Variants in RBM6 observed in about 807,000 individuals in gnomAD.
RBM6 encodes RNA binding motif protein 6.
Under a neutral mutation model 140.4 loss-of-function variants are expected in RBM6, and 23 were observed. The observed-to-expected ratio is 0.16, with a 90% CI of 0.12 to 0.23. The LOEUF is 0.23. Ranked by LOEUF, RBM6 falls within the 10% of genes least tolerant of loss-of-function variation. RBM6 has a pLI of 1.00. For synonymous variants in RBM6, 439 were observed against 475.6 expected (o/e 0.92, Z 1.00); for missense variants, 1,139 against 1,386.7 (o/e 0.82, Z 2.84).
rs10663019 is a variant in RBM6, at chr3:50,061,560, CTTT to C, written c.2439+35_2439+37del. The C allele has an allele frequency of 0.037, 43,837 of 1,173,298 alleles. 1 individual carries two copies. The highest frequency in any genetic ancestry group is 0.051 in the Middle Eastern group (160 of 3,124). The allele number at this position is 1,173,298 out of a possible 1,614,324, so 72.7% of individuals were successfully genotyped here. On this transcript the variant is annotated intron_variant, in intron 14 of 20. Coordinates refer to ENST00000266022, the MANE Select transcript of RBM6 (RefSeq NM_005777.3). ...CCCCAATACCCAGGTGAGTTTGGGG[CTTT>C]TTTTTTTTTTTTTTTTTTTTTACCT...
At chr3:50,019,145 C>G (rs1291012635) in intron 6 of RBM6, among the ~76,000 whole-genome samples, 3 of 152,006 alleles carry the variant, frequency 2.0e-5, no homozygotes, top group South Asian at 4.2e-4. Flanking sequence ...AAGTTATTCT[C>G]CTGCCTCAGC....
chr3:50,068,545 T>C (rs2090189709), intron 17 of RBM6, 145 bp from the exon 18 acceptor site: 1 of 633,650 alleles, frequency 1.6e-6, no homozygotes, highest in Admixed American at 3.0e-5. Flanking sequence ...TTAGGGATTG[T>C]TGGTTGCAGG....
chr3:50,037,767 G>A lies in RBM6; in HGVS notation c.1558-10478G>A, dbSNP rs116200085. On this transcript the variant is annotated intron_variant, in intron 6 of 20. Coordinates refer to ENST00000266022, the MANE Select transcript of RBM6 (RefSeq NM_005777.3). ...AGTTCTCCCACCTTGACCTTCTAAA[G>A]TGTAGGGATTATAGACATGAGCCAC... is the stretch of plus-strand genomic sequence containing the variant. Among the ~76,000 whole-genome samples, 1,055 of 151,550 alleles carry A rather than the reference G, an allele frequency of 7.0e-3. 15 individuals are homozygous for A. Among genetic ancestry groups the A allele is most frequent in the African/African-American group, 0.024 (1,004 of 41,280 alleles).
At chr3:50,066,661 G>C (rs959420397) in intron 17 of RBM6, among the ~76,000 whole-genome samples, 159 bp downstream of exon 17, 1 of 151,476 alleles carries the variant, frequency 6.6e-6, no homozygotes, top group Non-Finnish European at 1.5e-5. Flanking sequence ...AACCCCCTTT[G>C]TACTAAAATA....
At chr3:49,956,328 C>CTTTTTTT (rs34467093) in intron 1 of RBM6, among the ~76,000 whole-genome samples, 1 of 72,006 alleles carries the variant, frequency 1.4e-5, no homozygotes, top group Non-Finnish European at 2.5e-5. Flanking sequence ...CCCTCCCCCG[C>CTTTTTTT]TTTTTTTTTT....
Position 49,967,801 on chromosome 3 carries a change from C to T in RBM6, c.376C>T (p.Arg126Trp), listed in dbSNP as rs139195645. Residue 126 changes from arginine (R) to tryptophan (W), a missense_variant, in exon 3 of 21, where the codon CGG becomes TGG. Transcript: ENST00000266022. The surrounding 1 kb of genome is among the most constrained non-coding windows in gnomAD (Gnocchi z 4.0). ...RGRDIHSGDF[R>W]DREGPPMDYR... ...TAGGGACATACATTCTGGGGATTTTCGGGATAGAGAAGGACCACCTATGGA... is the reference window on the plus strand; with the variant it reads ...TAGGGACATACATTCTGGGGATTTTTGGGATAGAGAAGGACCACCTATGGA... 7.4e-6 allele frequency: 12 copies of T among 1,613,922 alleles called. No homozygotes were observed. The South Asian group carries it at 8.8e-5, about 12-fold the overall frequency.
chr3:50,035,090 C>T (rs1333225743), intron 6 of RBM6, among the ~76,000 whole-genome samples: 1 of 134,344 alleles, frequency 7.4e-6, no homozygotes, highest in African/African-American at 2.7e-5. Flanking sequence ...ATCTGTCTAT[C>T]TGCTAAGGGC....
At chr3:49,947,265 G>GAA (rs2083533734) in intron 1 of RBM6, among the ~76,000 whole-genome samples, 3 of 9,604 alleles carry the variant, frequency 3.1e-4, no homozygotes, top group African/African-American at 1.0e-3. Context: ...AAAAAAAAGG[G>GAA]GGGGGGGGGG....
rs2085164443 is a variant in RBM6 at position 49,978,609 on chromosome 3, G to T, written c.1483+3217G>T. 3.3e-5 allele frequency among the ~76,000 whole-genome samples: 5 copies of T among 152,162 alleles called. No individual in the cohort carries two copies. The South Asian group carries it at 1.0e-3, about 31-fold the overall frequency. On this transcript the variant is annotated intron_variant, in intron 5 of 20. Coordinates refer to ENST00000266022, the MANE Select transcript of RBM6 (RefSeq NM_005777.3). ...GAATTTTTCAAGTTATAGAAATGTAGTTTACATAGATCATATGGGAATTAT... is the reference window on the plus strand; with the variant it reads ...GAATTTTTCAAGTTATAGAAATGTATTTTACATAGATCATATGGGAATTAT...
chr3:50,000,846 T>C (rs886944343), intron 6 of RBM6, among the ~76,000 whole-genome samples: 8 of 152,186 alleles, frequency 5.3e-5, no homozygotes, highest in Non-Finnish European at 1.2e-4. Context: ...TACGTACTTT[T>C]CTCTTCTTGG....
At chr3:49,946,463 C>T (rs1200160499) in intron 1 of RBM6, among the ~76,000 whole-genome samples, 1 of 152,148 alleles carries the variant, frequency 6.6e-6, no homozygotes, top group Non-Finnish European at 1.5e-5. Context: ...TGGTCTTGAA[C>T]TCCTGACGTC....
At chr3:50,066,198 A>T in intron 16 of RBM6, 44 bp from the exon 17 acceptor site, 1 of 1,557,666 alleles carries the variant, frequency 6.4e-7, no homozygotes, top group Non-Finnish European at 8.7e-7. Context: ...GGACCCCAAA[A>T]TATAGGTTGA....
intron 6 of RBM6, among the ~76,000 whole-genome samples, chr3:50,027,234 A>G (rs1336512025): frequency 6.6e-6 from 1 of 152,174 alleles, no homozygotes; most frequent in Admixed American, 6.5e-5. Context: ...CATCTGGGCC[A>G]GAATAGGGCA....
chr3:50,058,237 T>G (rs2089793349), intron 9 of RBM6, among the ~76,000 whole-genome samples, 165 bp from the exon 10 acceptor site: 1 of 152,244 alleles, frequency 6.6e-6, no homozygotes, highest in African/African-American at 2.4e-5. Context: ...GATTTCTAAG[T>G]ATTGGTGAAG....
intron 5 of RBM6, 112 bp from the exon 6 acceptor site, chr3:49,999,327 GT>G: frequency 1.2e-6 from 1 of 827,008 alleles, no homozygotes. Context: ...GGAGGGAGGG[GT>G]TAGTTGGGAG....
intron 9 of RBM6, among the ~76,000 whole-genome samples, 164 bp downstream of exon 9, chr3:50,058,167 A>G (rs1485104882): frequency 6.6e-6 from 1 of 152,236 alleles, no homozygotes; most frequent in Non-Finnish European, 1.5e-5. Flanking sequence ...GTACTGCTTA[A>G]AGGAATCTAT....
At chr3:50,035,159 A>T (rs531517593) in intron 6 of RBM6, among the ~76,000 whole-genome samples, 53 of 152,044 alleles carry the variant, frequency 3.5e-4, no homozygotes, top group African/African-American at 1.3e-3. Context: ...CTCAGAAGAA[A>T]CAATTTGACT....
chr3:49,946,121 C>T (rs760752332), intron 1 of RBM6, among the ~76,000 whole-genome samples: 107 of 152,102 alleles, frequency 7.0e-4, no homozygotes, highest in African/African-American at 2.0e-3. Context: ...AGAATAATTT[C>T]TGTGGCTTAA....
At chr3:50,004,756 C>T (rs919099809) in intron 6 of RBM6, among the ~76,000 whole-genome samples, 1 of 151,986 alleles carries the variant, frequency 6.6e-6, no homozygotes, top group Non-Finnish European at 1.5e-5. Context: ...AGTAGCTGGA[C>T]TACAGGCACC....
Sources: gnomAD v4.1 joint callset for allele counts (sites outside exome capture counted in the v4.1 genomes callset) on GRCh38, gnomAD v4.1.1 for gene constraint, Gnocchi (gnomAD v3.1) non-coding constraint, MANE v1.5 for transcripts, NCBI Gene and HGNC (gene_info 2026-07-23, HGNC 2026-07-21) for gene names.